Variants in HS6ST3 observed in about 807,000 individuals in gnomAD.
HS6ST3 encodes the protein heparan-sulfate 6-O-sulfotransferase 3.
Under a neutral mutation model 36.7 loss-of-function variants are expected in HS6ST3, and 12 were observed. That is an observed-to-expected ratio of 0.33 (90% CI 0.21 to 0.53). HS6ST3 has a LOEUF of 0.53. Among genes scored for constraint, HS6ST3 ranks in the 20% least tolerant of loss-of-function variants. The pLI is 0.95. For synonymous variants in HS6ST3, 240 were observed against 257.5 expected, an observed-to-expected ratio of 0.93 and a Z score of 0.65; for missense variants, 584 against 640.9, an observed-to-expected ratio of 0.91 and a Z score of 0.96.
At position 96,831,975 on chromosome 13, in the gene HS6ST3, A is replaced by AAAAAAAAAAAAAAAAAAAAAAAAC. The variant is rs1566464310; in HGVS notation, c.708-510_708-509insAAAAAAAAAAAAAAAAAACAAAAA. Among the ~76,000 whole-genome samples the AAAAAAAAAAAAAAAAAAAAAAAAC allele has an allele frequency of 1.0e-4, 15 of 148,632 alleles. 2 individuals carry two copies. Among genetic ancestry groups the AAAAAAAAAAAAAAAAAAAAAAAAC allele is most frequent in the African/African-American group, 3.5e-4 (14 of 39,610 alleles). On this transcript the variant is annotated intron_variant, in intron 1 of 1. Coordinates refer to ENST00000376705, the MANE Select transcript of HS6ST3 (RefSeq NM_153456.4). ...CTCTCAAAAAAAAAAAAAAAAAAAAAAAAAACAGAGATTAAGGAGAATACA... is the reference window on the plus strand; with the variant it reads ...CTCTCAAAAAAAAAAAAAAAAAAAAAAAAAAAAAAAAAAAAAAAAAAAACAAAAACAGAGATTAAGGAGAATACA...
In HS6ST3 at chr13:96,284,910, G is replaced by GCTTGCTTT. The variant is rs1343778101; in HGVS notation, c.707+193344_707+193345insGCTTTCTT. Among the ~76,000 whole-genome samples, 357 of 134,654 alleles carry GCTTGCTTT rather than the reference G, an allele frequency of 2.7e-3. 1 individual carries two copies. The highest frequency in any genetic ancestry group is 8.6e-3 in the East Asian group (38 of 4,430). 88.3% of individuals were successfully genotyped at this position (134,654 alleles called of 152,430 possible). On this transcript the variant is annotated intron_variant, in intron 1 of 1. Coordinates refer to ENST00000376705, the MANE Select transcript of HS6ST3 (RefSeq NM_153456.4). The stretch of plus-strand genomic sequence containing the variant: ...GGGCTTTAAGATTGAATGCATATTT[G>GCTTGCTTT]CTTTCTTTCTTTCTTTCTTTCTTTC...
intron 1 of HS6ST3, among the ~76,000 whole-genome samples, chr13:96,576,561 A>C (rs755654220): frequency 1.3e-5 from 2 of 152,194 alleles, no homozygotes; most frequent in African/African-American, 4.8e-5. Flanking sequence ...AAATATTGCT[A>C]AACTTTCACC....
At chr13:96,533,656 A>G (rs1216709004) in intron 1 of HS6ST3, among the ~76,000 whole-genome samples, 1 of 152,190 alleles carries the variant, frequency 6.6e-6, no homozygotes, top group Non-Finnish European at 1.5e-5. Flanking sequence ...AAATTTAACT[A>G]TAGATCCTTG....
At chr13:96,714,390 T>C (rs1423192538) in intron 1 of HS6ST3, among the ~76,000 whole-genome samples, 1 of 151,910 alleles carries the variant, frequency 6.6e-6, no homozygotes, top group Non-Finnish European at 1.5e-5. Context: ...GATAAACATA[T>C]GAAAAGATGC....
At chr13:96,518,031 A>G (rs2056079452) in intron 1 of HS6ST3, among the ~76,000 whole-genome samples, 1 of 152,172 alleles carries the variant, frequency 6.6e-6, no homozygotes. Flanking sequence ...TGGAGACATA[A>G]AAAAGAATGG....
At chr13:96,722,988 C>CGT (rs34651683) in intron 1 of HS6ST3, among the ~76,000 whole-genome samples, 15,052 of 143,540 alleles carry the variant, frequency 0.1, 925 homozygotes, top group East Asian at 0.36. Flanking sequence ...AAAAAATATA[C>CGT]GTGTGTGTGT....
chr13:96,642,697 C>T (rs191973491), intron 1 of HS6ST3, among the ~76,000 whole-genome samples: 1 of 151,956 alleles, frequency 6.6e-6, no homozygotes, highest in East Asian at 1.9e-4. Flanking sequence ...GATGTTTCTA[C>T]TTCAATTATT....
intron 1 of HS6ST3, among the ~76,000 whole-genome samples, chr13:96,193,477 G>C (rs2054298352): frequency 6.6e-6 from 1 of 152,146 alleles, no homozygotes; most frequent in South Asian, 2.1e-4. Flanking sequence ...AGCTCTCTAA[G>C]AGAGCTGTGA....
chr13:96,372,247 A>AT (rs533016844), intron 1 of HS6ST3, among the ~76,000 whole-genome samples: 2 of 152,166 alleles, frequency 1.3e-5, no homozygotes, highest in South Asian at 2.1e-4. Flanking sequence ...GATGTTGACC[A>AT]TTTTTTGCAT....
intron 1 of HS6ST3, among the ~76,000 whole-genome samples, chr13:96,515,633 G>A (rs1022492079): frequency 5.3e-5 from 8 of 152,072 alleles, no homozygotes; most frequent in African/African-American, 1.4e-4. Flanking sequence ...CCCACGTGTC[G>A]AGAGAGGGAT....
chr13:96,642,104 G>A (rs1356803794), intron 1 of HS6ST3, among the ~76,000 whole-genome samples: 3 of 151,680 alleles, frequency 2.0e-5, no homozygotes, highest in Non-Finnish European at 4.4e-5. Context: ...GAAGGGGGGA[G>A]GGATGTCTTA....
chr13:96,499,236 G>A (rs2055992201), intron 1 of HS6ST3, among the ~76,000 whole-genome samples: 1 of 152,062 alleles, frequency 6.6e-6, no homozygotes, highest in Admixed American at 6.6e-5. Flanking sequence ...ATGTTGGCCA[G>A]GGTGGTCTCA....
At chr13:96,707,302 G>C (rs1875453134) in intron 1 of HS6ST3, among the ~76,000 whole-genome samples, 1 of 152,104 alleles carries the variant, frequency 6.6e-6, no homozygotes, top group Non-Finnish European at 1.5e-5. Flanking sequence ...TCTGTAAATT[G>C]GAAAGAGGCC....
chr13:96,374,893 A>G (rs1185392188), intron 1 of HS6ST3, among the ~76,000 whole-genome samples: 1 of 152,074 alleles, frequency 6.6e-6, no homozygotes, highest in African/African-American at 2.4e-5. Flanking sequence ...GCTGGCTCAG[A>G]TGCACTGCAT....
intron 1 of HS6ST3, among the ~76,000 whole-genome samples, chr13:96,146,936 A>G (rs2054060920): frequency 6.6e-6 from 1 of 152,250 alleles, no homozygotes; most frequent in Non-Finnish European, 1.5e-5. Flanking sequence ...ATTCAGCTGC[A>G]AAAGAAGGTT....
At chr13:96,500,663 G>A (rs1468327701) in intron 1 of HS6ST3, among the ~76,000 whole-genome samples, 1 of 152,112 alleles carries the variant, frequency 6.6e-6, no homozygotes, top group Non-Finnish European at 1.5e-5. Context: ...TTCTGCTTAG[G>A]ATGAGCCATC....
intron 1 of HS6ST3, among the ~76,000 whole-genome samples, chr13:96,420,744 G>C (rs1174361207): frequency 3.9e-5 from 6 of 152,094 alleles, no homozygotes; most frequent in Non-Finnish European, 8.8e-5. Flanking sequence ...GATATTTGGT[G>C]CGTTTTACTT....
chr13:96,719,559 G>C (rs535494182), intron 1 of HS6ST3, among the ~76,000 whole-genome samples: 30 of 152,246 alleles, frequency 2.0e-4, no homozygotes, highest in African/African-American at 7.0e-4. Context: ...GAGAGTATTG[G>C]TGATATGTGG....
At chr13:96,329,929 T>G (rs1246109068) in intron 1 of HS6ST3, among the ~76,000 whole-genome samples, 4 of 149,796 alleles carry the variant, frequency 2.7e-5, no homozygotes, top group Non-Finnish European at 1.5e-5. Context: ...CCTTTTACCA[T>G]TATGTAATGG....
Sources: allele counts gnomAD v4.1 joint callset (sites outside exome capture counted in the v4.1 genomes callset), GRCh38; gene constraint gnomAD v4.1.1; transcripts MANE v1.5; gene names NCBI Gene and HGNC (gene_info 2026-07-23, HGNC 2026-07-21).